Variants in TBX19 observed in about 807,000 individuals in gnomAD.
The protein encoded by TBX19 is T-box transcription factor 19, also known as T-box transcription factor TBX19.
A neutral mutation model predicts 40.9 loss-of-function variants in TBX19; 33 were observed. That is an observed-to-expected ratio of 0.81 (90% CI 0.61 to 1.08). The LOEUF is 1.08. Ranked by LOEUF, TBX19 falls within the 50% of genes least tolerant of loss-of-function variation. The pLI, the probability that TBX19 is intolerant of heterozygous loss-of-function variation, is 0.00. For synonymous variants in TBX19, 220 were observed against 225.0 expected, an observed-to-expected ratio of 0.98 and a Z score of 0.20; for missense variants, 494 against 574.0, an observed-to-expected ratio of 0.86 and a Z score of 1.42.
rs76536877 is a variant in TBX19 at position 168,312,778 on chromosome 1, G to A, written c.1123G>A (p.Ala375Thr). 3.1e-6 allele frequency: 5 copies of A among 1,614,208 alleles called. No individual in the cohort carries two copies. The highest frequency in any genetic ancestry group is 1.7e-5 in the Admixed American group (1 of 60,024). Residue 375 changes from alanine to threonine, a missense_variant, in exon 8 of 8, where the codon GCC (alanine) becomes ACC (threonine). Ala to Thr is a moderately conservative substitution (Grantham distance 58, BLOSUM62 0). Around this residue, in one of 3 missense-constraint regions of TBX19, gnomAD observed 284 missense variants for 307.3 expected, o/e 0.92. Coordinates refer to ENST00000367821, the MANE Select transcript of TBX19 (RefSeq NM_005149.3). Reference sequence around the variant, plus strand: ...CAGTGGGCCAGGCCCGGAGGTGCACGCCAGCACCCCAGGAGCATTTCTCCT... The same window carrying A: ...CAGTGGGCCAGGCCCGGAGGTGCACACCAGCACCCCAGGAGCATTTCTCCT... ...GPSGPGPEVH[A>T]STPGAFLLGN...
intron 4 of TBX19, among the ~76,000 whole-genome samples, chr1:168,298,177 CA>C (rs1171615016): frequency 6.6e-6 from 1 of 152,116 alleles, no homozygotes; most frequent in Non-Finnish European, 1.5e-5. Context: ...GCCTGGGCGA[CA>C]GAGCGAGACT....
intron 4 of TBX19, among the ~76,000 whole-genome samples, chr1:168,298,104 G>A (rs1317151721): frequency 6.6e-6 from 1 of 152,212 alleles, no homozygotes; most frequent in Non-Finnish European, 1.5e-5. Context: ...GCTGAGGCAG[G>A]AGAATGGCGT....
intron 3 of TBX19, among the ~76,000 whole-genome samples, chr1:168,294,762 A>G (rs369954414): frequency 6.6e-6 from 1 of 152,110 alleles, no homozygotes; most frequent in East Asian, 1.9e-4. Context: ...TCGGCTTCCC[A>G]AAGTGTTGGG....
At chr1:168,305,848 AG>A (rs1649392309) in intron 6 of TBX19, among the ~76,000 whole-genome samples, 1 of 152,236 alleles carries the variant, frequency 6.6e-6, no homozygotes, top group African/African-American at 2.4e-5. Context: ...GAAAGAAGGG[AG>A]AAATGAAAAC....
chr1:168,290,164 G>T (rs1303581044), intron 1 of TBX19, among the ~76,000 whole-genome samples: 1 of 152,172 alleles, frequency 6.6e-6, no homozygotes, highest in East Asian at 1.9e-4. Flanking sequence ...AGTCTAAATA[G>T]AATAGGGAGT....
chr1:168,281,263 C>T lies in TBX19; in HGVS notation c.173C>T (p.Thr58Ile). 1 of 1,614,172 alleles carries T rather than the reference C, an allele frequency of 6.2e-7. No homozygotes were observed. The highest frequency in any genetic ancestry group is 8.5e-7 in the Non-Finnish European group (1 of 1,180,022). ...APLWQRFKEV[T>I]NEMIVTKNGR... ...CTCTGGCAGAGATTCAAGGAAGTCACTAATGAGATGATTGTGACCAAGAAT... is the reference window on the plus strand; with the variant it reads ...CTCTGGCAGAGATTCAAGGAAGTCATTAATGAGATGATTGTGACCAAGAAT... Residue 58 changes from threonine (T) to isoleucine (I), a missense_variant, in exon 1 of 8, where the codon ACT (threonine) becomes ATT (isoleucine). Coordinates refer to ENST00000367821, the MANE Select transcript of TBX19 (RefSeq NM_005149.3).
intron 6 of TBX19, among the ~76,000 whole-genome samples, chr1:168,307,201 A>G (rs528667085): frequency 3.9e-5 from 6 of 152,272 alleles, no homozygotes; most frequent in African/African-American, 1.2e-4. Flanking sequence ...AAGAAGAGAC[A>G]TGGCCAGGTG....
chr1:168,286,632 A>T (rs1048479131), intron 1 of TBX19, among the ~76,000 whole-genome samples: 1 of 152,214 alleles, frequency 6.6e-6, no homozygotes, highest in African/African-American at 2.4e-5. Flanking sequence ...TCATCAGTTC[A>T]TGGACATTTG....
At chr1:168,312,666 T>G (rs780135963) in intron 7 of TBX19, 42 bp from the exon 8 acceptor site, 2 of 1,600,974 alleles carry the variant, frequency 1.2e-6, no homozygotes, top group South Asian at 1.1e-5. Context: ...TTCCTTGGAG[T>G]GCCAGTGAAC....
In TBX19 at chr1:168,281,280, A is replaced by G. The variant is rs747557656; in HGVS notation, c.190A>G (p.Thr64Ala). The change falls in exon 1 of 8, where the codon ACC (threonine) becomes GCC (alanine). Residue 64 changes from threonine (T) to alanine (A), a missense_variant. Thr to Ala is a moderately conservative substitution (Grantham distance 58). This residue lies in a region of TBX19 where 201 missense variants were observed against 235.2 expected (regional missense o/e 0.85). Coordinates refer to ENST00000367821, the MANE Select transcript of TBX19 (RefSeq NM_005149.3). Reference protein sequence around the residue: ...FKEVTNEMIVTKNGRRMFPVL... With the variant: ...FKEVTNEMIVAKNGRRMFPVL... ...GGAAGTCACTAATGAGATGATTGTGACCAAGAATGGCAGGTGAGTTTATCT... is the reference window on the plus strand; with the variant it reads ...GGAAGTCACTAATGAGATGATTGTGGCCAAGAATGGCAGGTGAGTTTATCT... 6.2e-7 allele frequency: 1 copy of G among 1,614,172 alleles called. No homozygotes were observed. The highest frequency in any genetic ancestry group is 1.7e-5 in the Admixed American group (1 of 60,022).
At chr1:168,287,189 A>G (rs11585575) in intron 1 of TBX19, among the ~76,000 whole-genome samples, 79,334 of 152,058 alleles carry the variant, frequency 0.52, 21,977 homozygotes, top group Non-Finnish European at 0.64. Flanking sequence ...AATAATTGGA[A>G]TTTTCCCCTT....
chr1:168,294,053 G>A (rs552061004), intron 3 of TBX19, among the ~76,000 whole-genome samples: 201 of 152,246 alleles, frequency 1.3e-3, no homozygotes, highest in South Asian at 3.7e-3. Flanking sequence ...TGGACACGAC[G>A]AAGAATAACT....
Position 168,291,435 on chromosome 1 carries a change from G to T in TBX19, c.468+11G>T, listed in dbSNP as rs771977425. ...AATGGAGGCGGGCAGGTACGAATGA[G>T]GCGGGCAGGCCTGGCCACCCGCTCC... On this transcript the variant is annotated intron_variant, in intron 2 of 7. Transcript: ENST00000367821. 2 of 1,614,122 alleles carry T rather than the reference G, an allele frequency of 1.2e-6. No homozygotes were observed. The highest frequency in any genetic ancestry group is 2.2e-5 in the South Asian group (2 of 91,080).
chr1:168,290,771 G>A (rs1464526657), intron 1 of TBX19, among the ~76,000 whole-genome samples: 1 of 152,034 alleles, frequency 6.6e-6, no homozygotes, highest in East Asian at 1.9e-4. Context: ...TGCTATAAAT[G>A]CTATTACTAT....
chr1:168,298,148 A>G (rs1649163241), intron 4 of TBX19, among the ~76,000 whole-genome samples: 1 of 152,234 alleles, frequency 6.6e-6, no homozygotes, highest in Non-Finnish European at 1.5e-5. Flanking sequence ...GTGAGCCGAG[A>G]TGGCGCCACT....
intron 1 of TBX19, among the ~76,000 whole-genome samples, chr1:168,285,717 A>G (rs16860291): frequency 5.3e-5 from 8 of 152,376 alleles, no homozygotes; most frequent in Non-Finnish European, 7.3e-5. Context: ...ACTGATTTAC[A>G]TATTTCTTAT....
chr1:168,291,265 C>T lies in TBX19; in HGVS notation c.309C>T (p.Tyr103=), dbSNP rs747441579. 57 of 1,614,132 alleles carry T rather than the reference C, an allele frequency of 3.5e-5. No homozygotes were observed. Among genetic ancestry groups the T allele is most frequent in the Non-Finnish European group, 4.2e-5 (49 of 1,180,052 alleles). ...CTACGGACAGTCACCGCTGGAAGTA[C>T]GTCAACGGGGAATGGGTGCCCGCTG... The part of the protein sequence containing the change: ...FVPTDSHRWK[Y]VNGEWVPAGK... Residue 103 remains tyrosine, a synonymous_variant, in exon 2 of 8, where the codon TAC becomes TAT. Transcript: ENST00000367821.
In TBX19 at chr1:168,280,905, G is replaced by C. The variant is rs1232366551; in HGVS notation, c.-186G>C. On this transcript the variant is annotated 5_prime_UTR_variant, in exon 1 of 8. Coordinates refer to ENST00000367821, the MANE Select transcript of TBX19 (RefSeq NM_005149.3). ...CCGCTCCCCAACTAAAGCTTAACAG[G>C]TTGGTGGCATAATGTGGAGACTTTT... The C allele has an allele frequency of 1.5e-6, 1 of 649,764 alleles. No individual in the cohort carries two copies. Among genetic ancestry groups the C allele is most frequent in the African/African-American group, 1.8e-5 (1 of 55,658 alleles). The allele number at this position is 649,764 out of a possible 1,614,324, so 40.2% of individuals were successfully genotyped here.
chr1:168,294,342 T>C (rs921566107), intron 3 of TBX19, among the ~76,000 whole-genome samples: 2 of 152,028 alleles, frequency 1.3e-5, no homozygotes, highest in Non-Finnish European at 2.9e-5. Flanking sequence ...TGTTTTCTTT[T>C]TTTTTTTTGA....
Sources: gnomAD v4.1 joint callset for allele counts (sites outside exome capture counted in the v4.1 genomes callset) on GRCh38, gnomAD v4.1.1 for gene constraint, gnomAD v4.1.1 regional missense constraint, MANE v1.5 for transcripts, NCBI Gene and HGNC (gene_info 2026-07-23, HGNC 2026-07-21) for gene names.